The following RPTOR variants were observed in gnomAD, a reference collection of about 807,000 sequenced individuals.
The protein encoded by RPTOR is regulatory-associated protein of mTOR.
In RPTOR, 21 loss-of-function variants were observed where a neutral mutation model predicts 169.9. The observed-to-expected ratio is 0.12, with a 90% CI of 0.09 to 0.18. The LOEUF is 0.18. Ranked by LOEUF, RPTOR falls within the 10% of genes least tolerant of loss-of-function variation. RPTOR has a pLI of 1.00. For synonymous variants in RPTOR, 732 were observed against 753.2 expected (o/e 0.97, Z 0.46); for missense variants, 1,133 against 1,855.9 (o/e 0.61, Z 7.16).
intron 20 of RPTOR, among the ~76,000 whole-genome samples, chr17:80,905,855 C>T (rs1011688646): frequency 6.6e-6 from 1 of 152,216 alleles, no homozygotes; most frequent in Non-Finnish European, 1.5e-5. Flanking sequence ...CGGGCTTGCC[C>T]AGTGCCCTAT....
intron 7 of RPTOR, among the ~76,000 whole-genome samples, chr17:80,810,009 C>G (rs1426579011): frequency 1.3e-5 from 2 of 151,746 alleles, no homozygotes; most frequent in African/African-American, 4.8e-5. Context: ...GATCGTGACA[C>G]TGCACTTCAA....
At chr17:80,728,731 T>C (rs1301407514) in intron 4 of RPTOR, among the ~76,000 whole-genome samples, 4 of 151,306 alleles carry the variant, frequency 2.6e-5, no homozygotes, top group Non-Finnish European at 4.4e-5. Context: ...TTTTTTTTGC[T>C]CTTGTGCTTT....
intron 3 of RPTOR, 74 bp downstream of exon 3, chr17:80,643,884 T>G: frequency 8.5e-7 from 1 of 1,174,248 alleles, no homozygotes; most frequent in Non-Finnish European, 1.2e-6. Context: ...CAACACTCTT[T>G]GGATCCAAGT....
chr17:80,873,110 C>T (rs2068069807), intron 13 of RPTOR, among the ~76,000 whole-genome samples: 1 of 71,946 alleles, frequency 1.4e-5, no homozygotes, highest in Non-Finnish European at 2.6e-5. Flanking sequence ...AGAAAGGCAC[C>T]ACAGTTTTGA....
intron 1 of RPTOR, among the ~76,000 whole-genome samples, chr17:80,611,020 A>G (rs1334354760): frequency 6.6e-6 from 1 of 152,208 alleles, no homozygotes; most frequent in East Asian, 1.9e-4. Context: ...ACTAATTTCA[A>G]GCAATAGATT....
intron 3 of RPTOR, among the ~76,000 whole-genome samples, chr17:80,674,134 A>G (rs1039310667): frequency 1.3e-4 from 20 of 152,184 alleles, no homozygotes; most frequent in Non-Finnish European, 2.5e-4. Context: ...TCTTGCTTCA[A>G]TTTTAGCGGA....
At chr17:80,574,876 C>T (rs2064947643) in intron 1 of RPTOR, among the ~76,000 whole-genome samples, 1 of 124,830 alleles carries the variant, frequency 8.0e-6, no homozygotes, top group African/African-American at 2.9e-5. Context: ...GTTTCTTAGG[C>T]TCATCTTGAA....
intron 3 of RPTOR, among the ~76,000 whole-genome samples, chr17:80,691,104 T>A (rs1169789694): frequency 6.6e-6 from 1 of 152,212 alleles, no homozygotes; most frequent in Non-Finnish European, 1.5e-5. Flanking sequence ...TGTCCTTATT[T>A]GTTAACTGGA....
At chr17:80,792,973 A>T (rs1470696412) in intron 7 of RPTOR, among the ~76,000 whole-genome samples, 3 of 152,132 alleles carry the variant, frequency 2.0e-5, no homozygotes, top group Non-Finnish European at 4.4e-5. Context: ...ACTGTAAAAA[A>T]ATTTTTAATG....
intron 1 of RPTOR, among the ~76,000 whole-genome samples, chr17:80,558,952 A>G (rs2084444810): frequency 6.6e-6 from 1 of 151,990 alleles, no homozygotes. Flanking sequence ...TACCATCTCA[A>G]CCATCTTTCA....
chr17:80,707,951 C>T lies in RPTOR; in HGVS notation c.459C>T (p.His153=), dbSNP rs146545154. The T allele has an allele frequency of 2.7e-5, 43 of 1,613,644 alleles. No homozygotes were observed. The highest frequency in any genetic ancestry group is 6.7e-5 in the African/African-American group (5 of 74,916). The change falls in exon 4 of 34, where the codon CAC becomes CAT. Residue 153 remains histidine, a synonymous_variant. Coordinates refer to ENST00000306801, the MANE Select transcript of RPTOR (RefSeq NM_020761.3). The surrounding 1 kb of genome is among the most constrained non-coding windows in gnomAD (Gnocchi z 5.0). Reference sequence around the variant, plus strand: ...GAGTCCTCTTTCACTACAATGGCCACGGGGTGCCCCGGCCCACAGTCAACG... The same window carrying T: ...GAGTCCTCTTTCACTACAATGGCCATGGGGTGCCCCGGCCCACAGTCAACG... The part of the protein sequence containing the change: ...EERVLFHYNG[H]GVPRPTVNGE...
At position 80,651,441 on chromosome 17, in the gene RPTOR, A is replaced by C. The variant is rs749651976; in HGVS notation, c.348+7631A>C. Among the ~76,000 whole-genome samples the C allele has an allele frequency of 6.6e-6, 1 of 152,212 alleles. No homozygotes were observed. The highest frequency in any genetic ancestry group is 1.5e-5 in the Non-Finnish European group (1 of 68,046). On this transcript the variant is annotated intron_variant, in intron 3 of 33. Transcript: ENST00000306801. This position sits in a 1 kb window ranked among gnomAD's most constrained non-coding sequence, Gnocchi z 4.1. ...TTTTGCAGGGGAAACCATATGTCAC[A>C]GTGGTGTTCATGAATTTGGGTGTTC...
chr17:80,812,629 A>T (rs2067284823), intron 7 of RPTOR, among the ~76,000 whole-genome samples: 1 of 152,120 alleles, frequency 6.6e-6, no homozygotes, highest in Non-Finnish European at 1.5e-5. Flanking sequence ...AGGTGGCCCC[A>T]AACGAAAGCT....
intron 7 of RPTOR, among the ~76,000 whole-genome samples, chr17:80,805,865 A>C (rs59153096): frequency 0.23 from 35,499 of 151,844 alleles, 4,895 homozygotes; most frequent in East Asian, 0.39. Flanking sequence ...TTCTATAGTA[A>C]GTCAGGTAAA....
At chr17:80,738,025 G>T (rs533428624) in intron 5 of RPTOR, among the ~76,000 whole-genome samples, 1 of 152,320 alleles carries the variant, frequency 6.6e-6, no homozygotes, top group East Asian at 1.9e-4. Flanking sequence ...GAGGGTGGGG[G>T]GGCAGGGCTG....
chr17:80,591,469 C>G (rs2065107425), intron 1 of RPTOR, among the ~76,000 whole-genome samples: 2 of 149,960 alleles, frequency 1.3e-5, no homozygotes, highest in South Asian at 2.1e-4. Flanking sequence ...ACCTCTGCAA[C>G]CTGGGTTCAA....
intron 5 of RPTOR, among the ~76,000 whole-genome samples, chr17:80,740,443 C>T (rs990673064): frequency 2.0e-5 from 3 of 152,098 alleles, no homozygotes; most frequent in Admixed American, 2.0e-4. Context: ...TATCCTAATG[C>T]CAAAACCAGA....
Position 80,754,260 on chromosome 17 carries a change from C to G in RPTOR, c.830+75C>G. 1 of 1,439,804 alleles carries G rather than the reference C, an allele frequency of 6.9e-7. No homozygotes were observed. Among genetic ancestry groups the G allele is most frequent in the Non-Finnish European group, 9.3e-7 (1 of 1,073,204 alleles). The allele number at this position is 1,439,804 out of a possible 1,614,324, so 89.2% of individuals were successfully genotyped here. On this transcript the variant is annotated intron_variant, in intron 6 of 33. Transcript: ENST00000306801. The surrounding 1 kb of genome is among the most constrained non-coding windows in gnomAD (Gnocchi z 4.2). ...GCAGGGACCCCAACCCATGTGGGCC[C>G]CAGGCATTCACCTGGTCCCAGGAGC... is the stretch of plus-strand genomic sequence containing the variant.
At chr17:80,891,916 C>T (rs2068329893) in intron 18 of RPTOR, 79 bp downstream of exon 18, 1 of 961,906 alleles carries the variant, frequency 1.0e-6, no homozygotes, top group Non-Finnish European at 1.6e-6. Context: ...GTCTTGCTCA[C>T]CCTCGCAGAG....
Sources: allele counts gnomAD v4.1 joint callset (sites outside exome capture counted in the v4.1 genomes callset), GRCh38; gene constraint gnomAD v4.1.1; non-coding constraint Gnocchi (gnomAD v3.1); transcripts MANE v1.5; gene names NCBI Gene and HGNC (gene_info 2026-07-23, HGNC 2026-07-21).